Variants in KLF13 observed in about 807,000 individuals in gnomAD.
The protein encoded by KLF13 is Krueppel-like factor 13.
Under a neutral mutation model 16.7 loss-of-function variants are expected in KLF13, and 8 were observed. The observed-to-expected ratio is 0.48, with a 90% CI of 0.28 to 0.87. The LOEUF (loss-of-function observed/expected upper bound fraction) is 0.87, where lower values mean the gene tolerates loss of function less well. Among genes scored for constraint, KLF13 ranks in the 40% least tolerant of loss-of-function variants. The pLI is 0.10. For missense variants in KLF13, 447 were observed against 452.2 expected, an observed-to-expected ratio of 0.99 and a Z score of 0.10; for synonymous variants, 245 against 208.4, an observed-to-expected ratio of 1.18 and a Z score of -1.51.
At chr15:31,395,963 T>A (rs569313952) in intron 2 of KLF13, among the ~76,000 whole-genome samples, 1 of 152,332 alleles carries the variant, frequency 6.6e-6, no homozygotes, top group Non-Finnish European at 1.5e-5. Flanking sequence ...CTTTTCTGGC[T>A]GTTGTCCCCT....
intron 2 of KLF13, among the ~76,000 whole-genome samples, chr15:31,393,960 T>C (rs1222493306): frequency 6.6e-6 from 1 of 152,058 alleles, no homozygotes; most frequent in Non-Finnish European, 1.5e-5. Flanking sequence ...TGCCCTTGCA[T>C]CTCAGGGGGC....
intron 1 of KLF13, among the ~76,000 whole-genome samples, chr15:31,340,186 G>A (rs2038998458): frequency 1.3e-5 from 2 of 152,248 alleles, no homozygotes; most frequent in African/African-American, 4.8e-5. Flanking sequence ...GTTGGGCTGG[G>A]CTGCCTTGTG....
chr15:31,391,522 C>G (rs1052459712), upstream of KLF13, among the ~76,000 whole-genome samples: 2 of 152,024 alleles, frequency 1.3e-5, no homozygotes, highest in African/African-American at 4.8e-5. Context: ...CTGCACCGGC[C>G]CAAGACAAGG....
chr15:31,360,288 G>A (rs1259609390), intron 1 of KLF13, among the ~76,000 whole-genome samples: 1 of 152,176 alleles, frequency 6.6e-6, no homozygotes, highest in African/African-American at 2.4e-5. Context: ...GGCCTGTGCC[G>A]GGAAGAGGGT....
At chr15:31,331,000 A>C (rs1053935493) in intron 1 of KLF13, among the ~76,000 whole-genome samples, 4 of 152,178 alleles carry the variant, frequency 2.6e-5, no homozygotes, top group Non-Finnish European at 4.4e-5. Flanking sequence ...GGTTGCCCAG[A>C]TCCTGCCTCT....
chr15:31,381,162 ACT>A (rs757452393), downstream of KLF13, among the ~76,000 whole-genome samples: 2 of 100,692 alleles, frequency 2.0e-5, no homozygotes, highest in South Asian at 4.2e-4. Flanking sequence ...ACAGTGCAAG[ACT>A]CTGTCTCAAA....
At chr15:31,347,024 C>T (rs796366882) in intron 1 of KLF13, among the ~76,000 whole-genome samples, 11 of 152,250 alleles carry the variant, frequency 7.2e-5, no homozygotes, top group African/African-American at 1.9e-4. Flanking sequence ...TGGCTCTCAT[C>T]GGGGCTGGGA....
chr15:31,429,312 G>A (rs2040440164), intron 1 of KLF13, among the ~76,000 whole-genome samples: 1 of 152,190 alleles, frequency 6.6e-6, no homozygotes, highest in South Asian at 2.1e-4. Context: ...AAGACACTAT[G>A]CTAATGAAAT....
intron 1 of KLF13, among the ~76,000 whole-genome samples, chr15:31,365,939 G>A (rs576679060): frequency 1.4e-5 from 2 of 146,976 alleles, no homozygotes; most frequent in South Asian, 2.2e-4. Flanking sequence ...CTGGGCCTGC[G>A]GCTTGGGCAA....
At chr15:31,417,670 T>G (rs1389256607) in intron 1 of KLF13, among the ~76,000 whole-genome samples, 1 of 151,354 alleles carries the variant, frequency 6.6e-6, no homozygotes, top group East Asian at 2.0e-4. Context: ...GCCTCCCGAG[T>G]AGCTGGGATT....
At position 31,345,024 on chromosome 15, in the gene KLF13, T is replaced by G. The variant is rs139221716; in HGVS notation, c.577+17235T>G. On this transcript the variant is annotated intron_variant, in intron 1 of 1. Transcript: ENST00000307145. ...AGTTTGGGGCAGGTGCCTTCCAGGC[T>G]CTGTGGGTCAGGGTTCTCTCCTGGC... Among the ~76,000 whole-genome samples, 46 of 152,296 alleles carry G rather than the reference T, an allele frequency of 3.0e-4. No homozygotes were observed. The East Asian group carries it at 8.3e-3, about 27-fold the overall frequency.
At chr15:31,396,678 G>C (rs535076892) in intron 2 of KLF13, among the ~76,000 whole-genome samples, 26 of 152,178 alleles carry the variant, frequency 1.7e-4, no homozygotes, top group Non-Finnish European at 3.2e-4. Context: ...TGATTTTAGG[G>C]ATCTTAGGCT....
intron 1 of KLF13, among the ~76,000 whole-genome samples, chr15:31,336,060 A>G (rs957693618): frequency 6.6e-6 from 1 of 152,238 alleles, no homozygotes; most frequent in South Asian, 2.1e-4. Context: ...ACGTGGGCTC[A>G]GAGGAGCCAC....
chr15:31,404,501 G>A (rs28733088), exon 3 of KLF13: 7 of 152,258 alleles, frequency 4.6e-5, no homozygotes, highest in African/African-American at 1.7e-4. Flanking sequence ...GCTTTGTAAA[G>A]TGGACCAATC....
intron 1 of KLF13, among the ~76,000 whole-genome samples, chr15:31,383,336 G>A (rs1270322738): frequency 6.6e-6 from 1 of 152,218 alleles, no homozygotes; most frequent in Non-Finnish European, 1.5e-5. Flanking sequence ...CCGTGGCCCA[G>A]TGGACTTTGT....
chr15:31,388,616 A>G (rs1161437045), upstream of KLF13, among the ~76,000 whole-genome samples: 2 of 151,590 alleles, frequency 1.3e-5, no homozygotes, highest in African/African-American at 4.8e-5. Context: ...AAAAAAAAAA[A>G]AAAAAAGAAA....
chr15:31,388,605 CAAAAAAAA>C (rs5811640), upstream of KLF13, among the ~76,000 whole-genome samples: 2 of 92,362 alleles, frequency 2.2e-5, no homozygotes, highest in Non-Finnish European at 4.9e-5. Context: ...AACTCTGTCT[CAAAAAAAA>C]AAAAAAAAAG....
rs2039626096 is a variant in KLF13, at chr15:31,375,369, T to G, written c.*3070T>G. The stretch of plus-strand genomic sequence containing the variant: ...CATTTTCTTCAAACATGCAGAATGT[T>G]TTCCCAGACTGCGTCTATTTCAGGG... On this transcript the variant is annotated 3_prime_UTR_variant, in exon 2 of 2. Transcript: ENST00000307145. The G allele has an allele frequency of 6.6e-6, 1 of 152,250 alleles. No homozygotes were observed. The highest frequency in any genetic ancestry group is 2.1e-4 in the South Asian group (1 of 4,834). The allele number at this position is 152,250 out of a possible 1,614,324, so 9.4% of individuals were successfully genotyped here.
chr15:31,338,963 G>A (rs373892812), intron 1 of KLF13, among the ~76,000 whole-genome samples: 11 of 152,202 alleles, frequency 7.2e-5, no homozygotes, highest in Admixed American at 4.6e-4. Flanking sequence ...GAGGGTGAAG[G>A]CACCCCTTCT....
Sources: gnomAD v4.1 joint callset for allele counts (sites outside exome capture counted in the v4.1 genomes callset) on GRCh38, gnomAD v4.1.1 for gene constraint, MANE v1.5 for transcripts, NCBI Gene and HGNC (gene_info 2026-07-23, HGNC 2026-07-21) for gene names.